CREB5: variants seen among roughly 807,000 people sequenced by gnomAD.
CREB5 encodes cyclic AMP-responsive element-binding protein 5.
CREB5 carries 19 observed loss-of-function variants against 57.1 expected under a neutral mutation model. That is an observed-to-expected ratio of 0.33 (90% CI 0.23 to 0.49). CREB5 has a LOEUF of 0.49. CREB5 is among the 20% of genes least tolerant of loss of function. CREB5 has a pLI of 0.99. For synonymous variants in CREB5, 238 were observed against 238.3 expected (o/e 1.00, Z 0.01); for missense variants, 579 against 671.6 (o/e 0.86, Z 1.52).
chr7:28,684,808 C>A (rs1164111580), intron 5 of CREB5, among the ~76,000 whole-genome samples: 2 of 152,172 alleles, frequency 1.3e-5, no homozygotes, highest in African/African-American at 2.4e-5. Flanking sequence ...TTCTAGCGAA[C>A]TTCCCATTTT....
intron 5 of CREB5, among the ~76,000 whole-genome samples, chr7:28,571,244 T>C (rs1488922426): frequency 6.6e-6 from 1 of 152,116 alleles, no homozygotes; most frequent in East Asian, 1.9e-4. Context: ...TTTCTGGAAT[T>C]TTCCTTTTAA....
intron 7 of CREB5, among the ~76,000 whole-genome samples, chr7:28,795,077 C>G (rs1475783150): frequency 6.6e-6 from 1 of 152,154 alleles, no homozygotes; most frequent in African/African-American, 2.4e-5. Context: ...ACAGGACTCT[C>G]ACTCTCTTGA....
At chr7:28,742,989 A>G (rs61321943) in intron 7 of CREB5, among the ~76,000 whole-genome samples, 1 of 152,100 alleles carries the variant, frequency 6.6e-6, no homozygotes, top group African/African-American at 2.4e-5. Context: ...TCACCATGTT[A>G]GTCAGGCTGG....
At chr7:28,594,320 A>G (rs1267479578) in intron 5 of CREB5, among the ~76,000 whole-genome samples, 1 of 152,204 alleles carries the variant, frequency 6.6e-6, no homozygotes, top group East Asian at 1.9e-4. Context: ...GGAGGAGTGG[A>G]TTCAAACACT....
chr7:28,767,636 G>A (rs1023294420), intron 7 of CREB5, among the ~76,000 whole-genome samples: 11 of 152,114 alleles, frequency 7.2e-5, no homozygotes, highest in African/African-American at 2.7e-4. Flanking sequence ...GGAGAGAAGC[G>A]ACACACTGCA....
At chr7:28,560,983 T>TGC (rs1157062756) in intron 4 of CREB5, among the ~76,000 whole-genome samples, 7,409 of 71,418 alleles carry the variant, frequency 0.1, 1,790 homozygotes, top group South Asian at 0.14. Flanking sequence ...CGTGTGTGCG[T>TGC]GCGTGTGTGT....
intron 1 of CREB5, among the ~76,000 whole-genome samples, chr7:28,366,430 G>T (rs762527745): frequency 2.8e-4 from 42 of 152,064 alleles, no homozygotes; most frequent in Non-Finnish European, 4.4e-4. Context: ...TTGTGTATGT[G>T]AGGATACTAC....
At position 28,822,846 on chromosome 7, in the gene CREB5, G is replaced by C. The variant is rs924012158; in HGVS notation, c.*3567G>C. On this transcript the variant is annotated 3_prime_UTR_variant, in exon 11 of 11. Coordinates refer to ENST00000357727, the MANE Select transcript of CREB5 (RefSeq NM_182898.4). The stretch of plus-strand genomic sequence containing the variant: ...CAAGTGTTAAGTCGGATGTTTTCCC[G>C]TTACACTACTACTCAGCCCTCTCCT... 2.6e-5 allele frequency: 4 copies of C among 152,566 alleles called. No individual in the cohort carries two copies. The highest frequency in any genetic ancestry group is 9.6e-5 in the African/African-American group (4 of 41,556). 9.5% of individuals were successfully genotyped at this position (152,566 alleles called of 1,614,324 possible).
intron 1 of CREB5, among the ~76,000 whole-genome samples, chr7:28,456,081 T>C (rs1021157645): frequency 2.0e-5 from 3 of 152,208 alleles, no homozygotes; most frequent in African/African-American, 2.4e-5. Flanking sequence ...TAATGTGTTA[T>C]AATCTTTTAC....
intron 1 of CREB5, 50 bp from the exon 2 acceptor site, chr7:28,488,125 G>C: frequency 6.4e-7 from 1 of 1,552,116 alleles, no homozygotes; most frequent in Non-Finnish European, 8.9e-7. Context: ...AGAAGCAGAA[G>C]ATATTCATGG....
chr7:28,500,494 C>T (rs1001422942), intron 3 of CREB5, among the ~76,000 whole-genome samples: 2 of 152,216 alleles, frequency 1.3e-5, no homozygotes, highest in African/African-American at 2.4e-5. Flanking sequence ...AAGCATCTAA[C>T]ATAAATGACA....
chr7:28,511,527 C>T (rs1459319976), intron 4 of CREB5, among the ~76,000 whole-genome samples: 4 of 152,188 alleles, frequency 2.6e-5, no homozygotes, highest in Non-Finnish European at 5.9e-5. Flanking sequence ...CTCTGTTGCC[C>T]AGGCTGGAGC....
chr7:28,348,478 T>A (rs1786121151), intron 1 of CREB5, among the ~76,000 whole-genome samples: 1 of 151,580 alleles, frequency 6.6e-6, no homozygotes, highest in South Asian at 2.1e-4. Flanking sequence ...GAATTAGAGA[T>A]ATGTCTAAAA....
upstream of CREB5, chr7:28,410,696 A>G (rs1583429216): frequency 2.6e-6 from 1 of 380,408 alleles, no homozygotes; most frequent in African/African-American, 2.1e-5. Context: ...TTTGATTTTT[A>G]TTTTTCCCTC....
chr7:28,580,682 G>A (rs1458796389), intron 5 of CREB5, among the ~76,000 whole-genome samples: 2 of 151,654 alleles, frequency 1.3e-5, no homozygotes, highest in African/African-American at 2.4e-5. Context: ...TTATATTGGG[G>A]CCACTGCATT....
At position 28,804,307 on chromosome 7, in the gene CREB5, C is replaced by T; in HGVS notation, c.811C>T (p.His271Tyr). The T allele has an allele frequency of 6.2e-7, 1 of 1,614,026 alleles. No individual in the cohort carries two copies. Among genetic ancestry groups the T allele is most frequent in the Non-Finnish European group, 8.5e-7 (1 of 1,179,968 alleles). ...GGGCTCCCGGCAGGACCAGACGCCA[C>T]ACCATCACATGCACTCGCACCCGCA... is the stretch of plus-strand genomic sequence containing the variant. ...MMGSRQDQTP[H>Y]HHMHSHPHQH... The change falls in exon 8 of 11, where the codon CAC becomes TAC. Residue 271 changes from histidine to tyrosine, a missense_variant. His to Tyr is a moderately conservative substitution (Grantham distance 83). Transcript: ENST00000357727.
chr7:28,690,396 G>A (rs1409144182), intron 5 of CREB5, among the ~76,000 whole-genome samples: 2 of 152,176 alleles, frequency 1.3e-5, no homozygotes, highest in African/African-American at 2.4e-5. Context: ...GCCCTCACAT[G>A]TTTCCCTTGG....
chr7:28,813,899 T>C (rs1045176150), intron 9 of CREB5, among the ~76,000 whole-genome samples: 1 of 152,034 alleles, frequency 6.6e-6, no homozygotes, highest in Non-Finnish European at 1.5e-5. Flanking sequence ...AAATGAAGAG[T>C]TGATTTCCAC....
At chr7:28,392,644 C>A (rs1787244685) in intron 1 of CREB5, among the ~76,000 whole-genome samples, 1 of 152,172 alleles carries the variant, frequency 6.6e-6, no homozygotes, top group Non-Finnish European at 1.5e-5. Flanking sequence ...TCAATATTTC[C>A]ACTGCCTATC....
Sources: gnomAD v4.1 joint callset for allele counts (sites outside exome capture counted in the v4.1 genomes callset) on GRCh38, gnomAD v4.1.1 for gene constraint, MANE v1.5 for transcripts, NCBI Gene and HGNC (gene_info 2026-07-23, HGNC 2026-07-21) for gene names.